Variants in CEP89 observed in about 807,000 individuals in gnomAD.
CEP89 encodes centrosomal protein 89.
In CEP89, 95 loss-of-function variants were observed where a neutral mutation model predicts 97.6. That is an observed-to-expected ratio of 0.97 (90% CI 0.82 to 1.15). The LOEUF is 1.15. CEP89 is among the 50% of genes most tolerant of loss of function. The probability of loss-of-function intolerance (pLI) is 0.00; values close to 1 mark genes in which losing one functional copy is unlikely to be tolerated. For synonymous variants in CEP89, 354 were observed against 349.1 expected (o/e 1.01, Z -0.16); for missense variants, 869 against 947.7 (o/e 0.92, Z 1.09).
Position 32,964,084 on chromosome 19 carries a change from T to C in CEP89, c.146+2276A>G, listed in dbSNP as rs77395926. 3.1e-3 allele frequency among the ~76,000 whole-genome samples: 469 copies of C among 152,232 alleles called. 5 individuals are homozygous for C. The highest frequency in any genetic ancestry group is 0.01 in the African/African-American group (434 of 41,540). On this transcript the variant is annotated intron_variant, in intron 2 of 18. Transcript: ENST00000305768. ...TGACCTTGGAAAATAGTTTGACAGT[T>C]CCTTAATAAATTAAATACCTGCCTA...
chr19:32,948,356 G>T lies in CEP89; in HGVS notation c.505C>A (p.His169Asn). ...VPHRNQVPLL[H>N]EVNSEDDENI... Reference sequence around the variant, plus strand: ...TCATCGTCTTCACTGTTCACCTCATGTAACAATGGCACCTTTTTGTTATAA... The same window carrying T: ...TCATCGTCTTCACTGTTCACCTCATTTAACAATGGCACCTTTTTGTTATAA... Residue 169 changes from histidine (H) to asparagine (N), a missense_variant, in exon 5 of 19, where the codon CAT becomes AAT. Physicochemically the swap from His to Asn is moderately conservative, Grantham distance 68. Transcript: ENST00000305768. The T allele has an allele frequency of 3.1e-6, 5 of 1,603,434 alleles. No homozygotes were observed. The highest frequency in any genetic ancestry group is 4.3e-6 in the Non-Finnish European group (5 of 1,174,456).
In CEP89 at chr19:32,920,833, C is replaced by T. The variant is rs114675457; in HGVS notation, c.1269-2494G>A. Among the ~76,000 whole-genome samples the T allele has an allele frequency of 6.6e-3, 999 of 152,132 alleles. 13 individuals carry two copies. Among genetic ancestry groups the T allele is most frequent in the African/African-American group, 0.023 (949 of 41,492 alleles). ...AACAGACCCATTAAGCCTGAGGTCA[C>T]CCAGTGATTCAGGGGGAGTTAGGAA... is the stretch of plus-strand genomic sequence containing the variant. On this transcript the variant is annotated intron_variant, in intron 12 of 18. Coordinates refer to ENST00000305768, the MANE Select transcript of CEP89 (RefSeq NM_032816.5).
intron 6 of CEP89, among the ~76,000 whole-genome samples, chr19:32,939,616 C>T (rs1022079643): frequency 2.0e-5 from 3 of 150,242 alleles, no homozygotes; most frequent in Non-Finnish European, 4.4e-5. Context: ...AGACGGAGAC[C>T]GCAGTGAGCT....
chr19:32,960,247 A>G (rs368843115), intron 2 of CEP89, among the ~76,000 whole-genome samples, 189 bp from the exon 3 acceptor site: 1 of 152,204 alleles, frequency 6.6e-6, no homozygotes, highest in Non-Finnish European at 1.5e-5. Context: ...GTATGACTAC[A>G]TATTATTGTC....
chr19:32,946,660 G>A (rs1970803976), intron 5 of CEP89, among the ~76,000 whole-genome samples: 2 of 151,992 alleles, frequency 1.3e-5, no homozygotes, highest in Non-Finnish European at 2.9e-5. Context: ...TTGAATCATG[G>A]GGCGGTTTCC....
chr19:32,879,815 C>T (rs989909162), intron 18 of CEP89, among the ~76,000 whole-genome samples: 2 of 152,242 alleles, frequency 1.3e-5, no homozygotes, highest in African/African-American at 4.8e-5. Flanking sequence ...CACACAGCCC[C>T]TCCTGTGTCC....
chr19:32,941,074 A>C (rs2145941273), intron 5 of CEP89, among the ~76,000 whole-genome samples: 1 of 152,174 alleles, frequency 6.6e-6, no homozygotes, highest in Non-Finnish European at 1.5e-5. Context: ...AGTTGCTTTT[A>C]ACTTTCTACT....
intron 9 of CEP89, 96 bp from the exon 10 acceptor site, chr19:32,927,080 C>A (rs781418513): frequency 9.0e-7 from 1 of 1,113,428 alleles, no homozygotes; most frequent in Non-Finnish European, 1.3e-6. Flanking sequence ...CATTGCCCAT[C>A]TATGCATTTA....
intron 8 of CEP89, 82 bp downstream of exon 8, chr19:32,933,342 TACAACATAAATTACCAACACAAATATC>T: frequency 1.1e-6 from 1 of 873,082 alleles, no homozygotes. Context: ...CCTGAAATAT[TACAACATAAATTACCAACACAAATATC>T]ACAACATAAA....
intron 12 of CEP89, among the ~76,000 whole-genome samples, chr19:32,920,032 T>C (rs938841796): frequency 2.6e-5 from 4 of 152,124 alleles, no homozygotes; most frequent in South Asian, 2.1e-4. Context: ...CCTTCATTCA[T>C]TTCACTTTTT....
Position 32,881,846 on chromosome 19 carries a change from G to T in CEP89, c.2133C>A (p.Asn711Lys). ...ATGGCGCAGGGCGCATGCCCCACCT[G>T]TTCTGCTGCAGCGCCTGGTCCAGCA... ...QEVLDQALQQ[N>K]REMEGELEVI... The change falls in exon 18 of 19, where the codon AAC becomes AAA. Residue 711 changes from asparagine (N) to lysine (K), a missense_variant and splice_region_variant. Asn to Lys is a moderately conservative substitution (Grantham distance 94, BLOSUM62 0). Coordinates refer to ENST00000305768, the MANE Select transcript of CEP89 (RefSeq NM_032816.5). 6.2e-7 allele frequency: 1 copy of T among 1,600,716 alleles called. No homozygotes were observed.
At chr19:32,971,612 G>C (rs1971411730) in intron 1 of CEP89, 2 of 596,472 alleles carry the variant, frequency 3.4e-6, no homozygotes, top group Non-Finnish European at 6.0e-6. Flanking sequence ...AGCTATGATC[G>C]CACCACTGCA....
At chr19:32,957,611 A>G (rs969201894) in intron 3 of CEP89, among the ~76,000 whole-genome samples, 2 of 152,132 alleles carry the variant, frequency 1.3e-5, no homozygotes, top group African/African-American at 4.8e-5. Context: ...GGAGTTTGAG[A>G]CCAGCCTGGC....
chr19:32,946,441 C>T (rs547042319), intron 5 of CEP89, among the ~76,000 whole-genome samples: 9 of 152,246 alleles, frequency 5.9e-5, no homozygotes, highest in African/African-American at 2.2e-4. Context: ...AGACATTTGG[C>T]ATGTGTTGTG....
At chr19:32,923,616 C>T in intron 11 of CEP89, 74 bp from the exon 12 acceptor site, 2 of 969,224 alleles carry the variant, frequency 2.1e-6, no homozygotes, top group African/African-American at 1.6e-5. Context: ...GGTGCTGCTG[C>T]TGTGGCTAAA....
At chr19:32,924,036 C>T (rs1245077492) in intron 11 of CEP89, among the ~76,000 whole-genome samples, 7 of 142,454 alleles carry the variant, frequency 4.9e-5, no homozygotes, top group Admixed American at 1.4e-4. Flanking sequence ...GACAGGGTCT[C>T]GCTCTGTCAC....
rs1969182291 is a variant in CEP89 at position 32,876,549 on chromosome 19, G to A, written c.*2613C>T. ...TCTGAGTGCCTGCTGTGCTCCTGGGGGCCCTCTCCACCCTTCTGTAGCTCC... is the reference window on the plus strand; with the variant it reads ...TCTGAGTGCCTGCTGTGCTCCTGGGAGCCCTCTCCACCCTTCTGTAGCTCC... On this transcript the variant is annotated 3_prime_UTR_variant, in exon 19 of 19. Transcript: ENST00000305768. 6.5e-6 allele frequency: 1 copy of A among 154,126 alleles called. No homozygotes were observed. The highest frequency in any genetic ancestry group is 1.4e-5 in the Non-Finnish European group (1 of 69,698). 9.5% of individuals were successfully genotyped at this position (154,126 alleles called of 1,614,324 possible). A position where few individuals can be genotyped will look rare whatever the true frequency, so the allele number is the denominator to read the frequency against.
chr19:32,923,122 G>A (rs1970285589), intron 12 of CEP89, among the ~76,000 whole-genome samples: 1 of 152,082 alleles, frequency 6.6e-6, no homozygotes, highest in Non-Finnish European at 1.5e-5. Context: ...AGCCATCGCT[G>A]GGGCCTAAGA....
In CEP89 at chr19:32,971,909, A is replaced by G; in HGVS notation, c.-35T>C. 2.5e-6 allele frequency: 4 copies of G among 1,571,222 alleles called. No individual in the cohort carries two copies. The highest frequency in any genetic ancestry group is 3.5e-6 in the Non-Finnish European group (4 of 1,156,952). ...GCGAGGAGAATGGACCGGGGCCTGG[A>G]CTCATCAGCAGATCTATCCACAGCC... On this transcript the variant is annotated 5_prime_UTR_variant, in exon 1 of 19. Transcript: ENST00000305768.
Sources: allele counts gnomAD v4.1 joint callset (sites outside exome capture counted in the v4.1 genomes callset), GRCh38; gene constraint gnomAD v4.1.1; transcripts MANE v1.5; gene names NCBI Gene and HGNC (gene_info 2026-07-23, HGNC 2026-07-21).